Variants in ZNF407 observed in about 807,000 individuals in gnomAD.
ZNF407 encodes zinc finger protein 407.
Under a neutral mutation model 131.2 loss-of-function variants are expected in ZNF407, and 17 were observed. That is an observed-to-expected ratio of 0.13 (90% CI 0.09 to 0.19). The LOEUF is 0.19. Ranked by LOEUF, ZNF407 falls within the 10% of genes least tolerant of loss-of-function variation. The pLI is 1.00. For missense variants in ZNF407, 2,681 were observed against 2,830.6 expected, an observed-to-expected ratio of 0.95 and a Z score of 1.20; for synonymous variants, 1,156 against 1,062.0, an observed-to-expected ratio of 1.09 and a Z score of -1.72.
chr18:74,641,599 T>A (rs1466994414), intron 3 of ZNF407, among the ~76,000 whole-genome samples: 1 of 152,214 alleles, frequency 6.6e-6, no homozygotes, highest in Non-Finnish European at 1.5e-5. Context: ...ATTACAGGGA[T>A]GATGCTGAAG....
intron 8 of ZNF407, among the ~76,000 whole-genome samples, chr18:75,038,554 AATT>A (rs1036864587): frequency 1.3e-5 from 2 of 152,172 alleles, no homozygotes; most frequent in African/African-American, 4.8e-5. Context: ...CATATCTAGC[AATT>A]ATTAAGTGTT....
intron 3 of ZNF407, among the ~76,000 whole-genome samples, chr18:74,769,049 G>A (rs1271704603): frequency 3.3e-5 from 5 of 151,992 alleles, no homozygotes; most frequent in Admixed American, 3.3e-4. Context: ...AACAATTCCA[G>A]AGGAATTACT....
chr18:74,843,247 T>G (rs752677860), intron 4 of ZNF407, among the ~76,000 whole-genome samples: 4 of 152,224 alleles, frequency 2.6e-5, no homozygotes, highest in African/African-American at 9.6e-5. Context: ...CTTTGGAAAC[T>G]AACCCTGTTA....
rs763559741 is a variant in ZNF407, at chr18:74,635,433, G to A, written c.4414G>A (p.Glu1472Lys). The A allele has an allele frequency of 6.2e-7, 1 of 1,613,624 alleles. No homozygotes were observed. The highest frequency in any genetic ancestry group is 1.1e-5 in the South Asian group (1 of 90,980). Residue 1472 changes from glutamate to lysine, a missense_variant, in exon 2 of 9, where the codon GAG (glutamate) becomes AAG (lysine). By Grantham distance (56) the Glu-to-Lys change is moderately conservative. This residue lies in a region of ZNF407 where 213 missense variants were observed against 332.2 expected (regional missense o/e 0.64). Coordinates refer to ENST00000299687, the MANE Select transcript of ZNF407 (RefSeq NM_017757.3). This position sits in a 1 kb window ranked among gnomAD's most constrained non-coding sequence, Gnocchi z 4.7. ...HLASAGHMRN[E>K]QASVEELPEG... ...GGCTAGTGCCGGCCACATGAGAAAT[G>A]AGCAGGCCAGTGTGGAGGAGCTTCC...
chr18:74,703,456 T>C lies in ZNF407; in HGVS notation c.4802+62334T>C, dbSNP rs1019915311. Among the ~76,000 whole-genome samples, 2 of 152,166 alleles carry C rather than the reference T, an allele frequency of 1.3e-5. No homozygotes were observed. The highest frequency in any genetic ancestry group is 4.1e-4 in the South Asian group (2 of 4,824). ...ATCTCGGCTCACCGCAACCTCCACCTTCTGGGTTCAAGCAGTTCTCCTGCC... is the reference window on the plus strand; with the variant it reads ...ATCTCGGCTCACCGCAACCTCCACCCTCTGGGTTCAAGCAGTTCTCCTGCC... On this transcript the variant is annotated intron_variant, in intron 3 of 8. Transcript: ENST00000299687. This position sits in a 1 kb window ranked among gnomAD's most constrained non-coding sequence, Gnocchi z 4.1.
intron 5 of ZNF407, among the ~76,000 whole-genome samples, chr18:74,878,764 G>T (rs555552755): frequency 1.3e-5 from 2 of 151,902 alleles, no homozygotes; most frequent in South Asian, 4.2e-4. Context: ...CATATAAATA[G>T]GGCATGCTGA....
In ZNF407 at chr18:74,925,619, G is replaced by A. The variant is rs145983246; in HGVS notation, c.5428+4927G>A. On this transcript the variant is annotated intron_variant, in intron 8 of 8. Coordinates refer to ENST00000299687, the MANE Select transcript of ZNF407 (RefSeq NM_017757.3). ...CCTCTTGGCCCTCTATTTTTAACCC[G>A]GTTGCTTTCACCCCCTTTTGTTAGT... 3.7e-4 allele frequency among the ~76,000 whole-genome samples: 56 copies of A among 152,142 alleles called. No homozygotes were observed. The East Asian group carries it at 7.5e-3, about 20-fold the overall frequency.
chr18:74,631,359 G>C lies in ZNF407; in HGVS notation c.340G>C (p.Glu114Gln). 6.2e-7 allele frequency: 1 copy of C among 1,614,000 alleles called. No individual in the cohort carries two copies. The highest frequency in any genetic ancestry group is 2.2e-5 in the East Asian group (1 of 44,888). ...TATTGCATTAGATGAAACAGGGAAG[G>C]AGACCTTTCTGAGTGACTGCACAGT... ...GGIALDETGK[E>Q]TFLSDCTVGG... is the part of the protein sequence containing the mutation. Residue 114 changes from glutamate (E) to glutamine (Q), a missense_variant, in exon 2 of 9, where the codon GAG (glutamate) becomes CAG (glutamine). Physicochemically the swap from Glu to Gln is conservative, Grantham distance 29 (BLOSUM62 2). Around this residue, in one of 6 missense-constraint regions of ZNF407, gnomAD observed 1,789 missense variants for 1,748.7 expected, o/e 1.02. Transcript: ENST00000299687.
chr18:74,694,140 T>C (rs1447034304), intron 3 of ZNF407, among the ~76,000 whole-genome samples: 5 of 152,184 alleles, frequency 3.3e-5, no homozygotes, highest in Admixed American at 1.3e-4. Context: ...TTTGTTGTCT[T>C]CCTTTAAAGA....
At chr18:74,695,570 C>A (rs1967334876) in intron 3 of ZNF407, among the ~76,000 whole-genome samples, 1 of 149,138 alleles carries the variant, frequency 6.7e-6, no homozygotes, top group Non-Finnish European at 1.5e-5. Context: ...TTGATGTCTT[C>A]TTCTGTATAT....
intron 2 of ZNF407, among the ~76,000 whole-genome samples, chr18:74,637,862 A>G (rs117566895): frequency 9.8e-5 from 15 of 152,328 alleles, no homozygotes; most frequent in Non-Finnish European, 2.1e-4. Flanking sequence ...AAGCAGCACT[A>G]TAAGAAATAA....
intron 4 of ZNF407, among the ~76,000 whole-genome samples, chr18:74,803,428 G>A (rs1304964219): frequency 6.6e-6 from 1 of 152,128 alleles, no homozygotes; most frequent in Non-Finnish European, 1.5e-5. Flanking sequence ...AGAAGGACCT[G>A]GTTATCAATG....
intron 8 of ZNF407, among the ~76,000 whole-genome samples, chr18:74,984,186 G>A (rs1214178737): frequency 6.6e-6 from 1 of 152,038 alleles, no homozygotes; most frequent in African/African-American, 2.4e-5. Context: ...TGTGTACCTC[G>A]TTGTCCAGGT....
chr18:74,863,307 G>A (rs370659657), intron 4 of ZNF407, among the ~76,000 whole-genome samples: 50 of 151,400 alleles, frequency 3.3e-4, no homozygotes, highest in African/African-American at 9.0e-4. Context: ...GCTTGATTGC[G>A]TATTATTTTG....
chr18:74,676,611 T>A (rs1335052786), intron 3 of ZNF407, among the ~76,000 whole-genome samples: 1 of 151,720 alleles, frequency 6.6e-6, no homozygotes, highest in African/African-American at 2.4e-5. Context: ...TAATTTTGTA[T>A]TTTTAGTAGA....
At chr18:74,696,310 T>C (rs1418271662) in intron 3 of ZNF407, among the ~76,000 whole-genome samples, 1 of 152,200 alleles carries the variant, frequency 6.6e-6, no homozygotes, top group Non-Finnish European at 1.5e-5. Flanking sequence ...TCTCCCAAAT[T>C]ATGTGATCAT....
intron 8 of ZNF407, among the ~76,000 whole-genome samples, chr18:74,989,751 G>A (rs1972696188): frequency 6.6e-6 from 1 of 151,742 alleles, no homozygotes; most frequent in Non-Finnish European, 1.5e-5. Context: ...GCCAAGGCAG[G>A]AGAATCGCTT....
chr18:74,751,903 G>C (rs997898685), intron 3 of ZNF407, among the ~76,000 whole-genome samples: 10 of 152,116 alleles, frequency 6.6e-5, no homozygotes, highest in African/African-American at 2.4e-4. Context: ...GGGATGGCTG[G>C]GTCAAATGGT....
intron 3 of ZNF407, among the ~76,000 whole-genome samples, chr18:74,684,330 A>T (rs529760106): frequency 2.6e-5 from 4 of 152,152 alleles, no homozygotes; most frequent in Non-Finnish European, 5.9e-5. Context: ...AAGGGAAAAC[A>T]TTTTTTTAAA....
Sources: gnomAD v4.1 joint callset for allele counts (sites outside exome capture counted in the v4.1 genomes callset) on GRCh38, gnomAD v4.1.1 for gene constraint, gnomAD v4.1.1 regional missense constraint, Gnocchi (gnomAD v3.1) non-coding constraint, MANE v1.5 for transcripts, NCBI Gene and HGNC (gene_info 2026-07-23, HGNC 2026-07-21) for gene names.